MGAT4C: variants seen among roughly 807,000 people sequenced by gnomAD.
The protein encoded by MGAT4C is MGAT4 family member C, also known as alpha-1,3-mannosyl-glycoprotein 4-beta-N-acetylglucosaminyltransferase C.
Under a neutral mutation model 40.1 loss-of-function variants are expected in MGAT4C, and 19 were observed. The observed-to-expected ratio is 0.47, with a 90% CI of 0.33 to 0.70. MGAT4C has a LOEUF of 0.70. MGAT4C is among the 30% of genes least tolerant of loss of function. MGAT4C has a pLI of 0.02. For missense variants in MGAT4C, 491 were observed against 563.2 expected, an observed-to-expected ratio of 0.87 and a Z score of 1.30; for synonymous variants, 181 against 187.1, an observed-to-expected ratio of 0.97 and a Z score of 0.27.
intron 3 of MGAT4C, among the ~76,000 whole-genome samples, chr12:86,381,004 A>ATACATGTT (rs1453171996): frequency 6.6e-6 from 1 of 152,236 alleles, no homozygotes; most frequent in Non-Finnish European, 1.5e-5. Flanking sequence ...CAAGAATAGC[A>ATACATGTT]TACATGTTTT....
At chr12:86,085,383 A>T (rs1871605297) in intron 1 of MGAT4C, among the ~76,000 whole-genome samples, 1 of 152,078 alleles carries the variant, frequency 6.6e-6, no homozygotes, top group African/African-American at 2.4e-5. Flanking sequence ...TTTTTGTATA[A>T]GGTCTAAGGA....
chr12:86,275,241 T>C (rs565829819), intron 4 of MGAT4C, among the ~76,000 whole-genome samples: 1 of 152,110 alleles, frequency 6.6e-6, no homozygotes, highest in East Asian at 1.9e-4. Context: ...TTAAAGAGAG[T>C]AGATAACATA....
At chr12:86,203,206 G>A (rs944994262) in intron 1 of MGAT4C, among the ~76,000 whole-genome samples, 5 of 152,098 alleles carry the variant, frequency 3.3e-5, no homozygotes, top group African/African-American at 1.2e-4. Flanking sequence ...TAGTTATGAT[G>A]TCTTTATTTT....
At chr12:86,670,406 A>G (rs1381963153) in intron 2 of MGAT4C, among the ~76,000 whole-genome samples, 1 of 152,136 alleles carries the variant, frequency 6.6e-6, no homozygotes, top group African/African-American at 2.4e-5. Flanking sequence ...AAACAAATAA[A>G]CAAAAAAACT....
chr12:86,208,457 A>T (rs1950344164), intron 1 of MGAT4C, among the ~76,000 whole-genome samples: 1 of 152,140 alleles, frequency 6.6e-6, no homozygotes, highest in Non-Finnish European at 1.5e-5. Flanking sequence ...ACAGAATGAG[A>T]CTGTCTCAAC....
At chr12:86,819,463 T>C (rs893854446) in intron 1 of MGAT4C, among the ~76,000 whole-genome samples, 5 of 150,942 alleles carry the variant, frequency 3.3e-5, no homozygotes, top group African/African-American at 1.2e-4. Flanking sequence ...TAGAAACTTG[T>C]AATAATAGAT....
At chr12:86,211,481 G>A (rs1414557865) in intron 1 of MGAT4C, among the ~76,000 whole-genome samples, 1 of 150,092 alleles carries the variant, frequency 6.7e-6, no homozygotes, top group African/African-American at 2.5e-5. Context: ...CAGCTACTCG[G>A]GAGGCTGAGG....
rs116657111 is a variant in MGAT4C, at chr12:86,404,001, G to A, written c.-120+31156C>T. ...GATATTGAGATAATCAAATATTACCGGAAATAATAATGAAGACTGTACATT... is the reference window on the plus strand; with the variant it reads ...GATATTGAGATAATCAAATATTACCAGAAATAATAATGAAGACTGTACATT... On this transcript the variant is annotated intron_variant, in intron 3 of 7. Transcript: ENST00000548651. Among the ~76,000 whole-genome samples the A allele has an allele frequency of 4.1e-3, 630 of 152,106 alleles. 1 individual carries two copies. The highest frequency in any genetic ancestry group is 0.014 in the African/African-American group (591 of 41,500).
At chr12:86,589,516 C>G (rs1249815574) in intron 2 of MGAT4C, among the ~76,000 whole-genome samples, 1 of 151,636 alleles carries the variant, frequency 6.6e-6, no homozygotes, top group African/African-American at 2.4e-5. Context: ...CTATTCCAAT[C>G]AATAGAAAAA....
chr12:86,439,174 A>G (rs550279819), intron 2 of MGAT4C, among the ~76,000 whole-genome samples: 174 of 152,130 alleles, frequency 1.1e-3, no homozygotes, highest in African/African-American at 4.1e-3. Flanking sequence ...CAAAATATAC[A>G]TTATTCTCAT....
At chr12:86,815,557 A>G (rs1410181379) in intron 1 of MGAT4C, among the ~76,000 whole-genome samples, 1 of 151,824 alleles carries the variant, frequency 6.6e-6, no homozygotes, top group East Asian at 1.9e-4. Flanking sequence ...ACACATGCTT[A>G]TAGTGACACA....
At chr12:86,594,184 C>T (rs965035809) in intron 2 of MGAT4C, among the ~76,000 whole-genome samples, 3 of 152,068 alleles carry the variant, frequency 2.0e-5, no homozygotes, top group Non-Finnish European at 1.5e-5. Context: ...CGATATGTAG[C>T]TAGGAGTAGT....
chr12:85,968,763 T>A lies in MGAT4C; in HGVS notation c.*10526A>T, dbSNP rs544334180. On this transcript the variant is annotated 3_prime_UTR_variant, in exon 5 of 5. Transcript: ENST00000611864. ...AACTCCAGAACAATTATGATAACTC[T>A]GAGCATGGAGCTCAGGAATGGGTGA... The A allele has an allele frequency of 6.6e-6, 1 of 151,892 alleles. No homozygotes were observed. Among genetic ancestry groups the A allele is most frequent in the Non-Finnish European group, 1.5e-5 (1 of 67,838 alleles). The allele number at this position is 151,892 out of a possible 1,614,324, so 9.4% of individuals were successfully genotyped here. A position where few individuals can be genotyped will look rare whatever the true frequency, so the allele number is the denominator to read the frequency against.
At chr12:86,557,266 T>A (rs1187489179) in intron 2 of MGAT4C, among the ~76,000 whole-genome samples, 1 of 152,182 alleles carries the variant, frequency 6.6e-6, no homozygotes, top group Non-Finnish European at 1.5e-5. Flanking sequence ...ATAATAACTT[T>A]GATCCATGAA....
chr12:86,600,898 C>T (rs1381688119), intron 2 of MGAT4C, among the ~76,000 whole-genome samples: 2 of 152,232 alleles, frequency 1.3e-5, no homozygotes, highest in Non-Finnish European at 2.9e-5. Flanking sequence ...CACTCCCTGG[C>T]CCCTCCCTGC....
chr12:86,729,359 AT>A (rs1950873489), intron 1 of MGAT4C, among the ~76,000 whole-genome samples: 1 of 152,108 alleles, frequency 6.6e-6, no homozygotes, highest in Non-Finnish European at 1.5e-5. Flanking sequence ...ATCCACAAAA[AT>A]TTAAAAAAAT....
chr12:86,377,147 A>T (rs141288311), intron 3 of MGAT4C, among the ~76,000 whole-genome samples: 1,930 of 142,440 alleles, frequency 0.014, 43 homozygotes, highest in African/African-American at 0.047. Flanking sequence ...TGCAACCTCC[A>T]CCTCCTAGGT....
At chr12:85,990,262 G>A (rs910574715) in intron 2 of MGAT4C, among the ~76,000 whole-genome samples, 8 of 151,948 alleles carry the variant, frequency 5.3e-5, no homozygotes, top group Non-Finnish European at 1.0e-4. Flanking sequence ...AGAAAGATTC[G>A]TGAAAACCTA....
At chr12:86,644,257 TCTTA>T (rs1481415911) in intron 2 of MGAT4C, among the ~76,000 whole-genome samples, 1 of 151,680 alleles carries the variant, frequency 6.6e-6, no homozygotes, top group Non-Finnish European at 1.5e-5. Context: ...AAACTAAGAA[TCTTA>T]CTTAAAATTG....
Sources: allele counts gnomAD v4.1 joint callset (sites outside exome capture counted in the v4.1 genomes callset), GRCh38; gene constraint gnomAD v4.1.1; transcripts MANE v1.5; gene names NCBI Gene and HGNC (gene_info 2026-07-23, HGNC 2026-07-21).